The following IL1RAPL2 variants were observed in gnomAD, a reference collection of about 807,000 sequenced individuals.
IL1RAPL2 encodes X-linked interleukin-1 receptor accessory protein-like 2.
In IL1RAPL2, 3 loss-of-function variants were observed where a neutral mutation model predicts 44.1. The observed-to-expected ratio is 0.07, with a 90% CI of 0.03 to 0.18. The LOEUF (loss-of-function observed/expected upper bound fraction) is 0.18. Ranked by LOEUF, IL1RAPL2 falls within the 10% of genes least tolerant of loss-of-function variation. The pLI, the probability that IL1RAPL2 is intolerant of heterozygous loss-of-function variation, is 1.00. For missense variants in IL1RAPL2, 391 were observed against 496.4 expected, an observed-to-expected ratio of 0.79 and a Z score of 2.02; for synonymous variants, 181 against 178.8, an observed-to-expected ratio of 1.01 and a Z score of -0.10.
At chrX:105,411,517 A>G (rs1247809295) in intron 5 of IL1RAPL2, among the ~76,000 whole-genome samples, 1 of 111,668 alleles carries the variant, frequency 9.0e-6, no homozygotes, top group East Asian at 2.8e-4. Context: ...CGGAATAGCC[A>G]TACTCATATC....
chrX:104,734,556 A>C, intron 2 of IL1RAPL2, among the ~76,000 whole-genome samples: 1 of 112,207 alleles, frequency 8.9e-6, no homozygotes, highest in Middle Eastern at 4.6e-3. Flanking sequence ...AAGGCTGCAT[A>C]TTGTATCATT....
intron 6 of IL1RAPL2, among the ~76,000 whole-genome samples, chrX:105,500,892 T>G (rs772326676): frequency 3.3e-4 from 37 of 111,882 alleles, no homozygotes; most frequent in Non-Finnish European, 6.6e-4. Context: ...CACTTCCCAA[T>G]GATACCTTTC....
intron 6 of IL1RAPL2, among the ~76,000 whole-genome samples, chrX:105,529,088 C>G (rs2036614424): frequency 1.8e-5 from 2 of 111,186 alleles, no homozygotes; most frequent in Non-Finnish European, 3.8e-5. Flanking sequence ...AATAACCAGA[C>G]TAGTTATTGT....
chrX:105,004,274 A>T (rs1048094127), intron 2 of IL1RAPL2, among the ~76,000 whole-genome samples: 3 of 110,652 alleles, frequency 2.7e-5, no homozygotes, highest in Non-Finnish European at 5.7e-5. Flanking sequence ...CAGTCTGAAG[A>T]GTGGGTTAAA....
chrX:105,387,432 A>C (rs1216715351), intron 5 of IL1RAPL2, among the ~76,000 whole-genome samples: 2 of 109,606 alleles, frequency 1.8e-5, no homozygotes, highest in African/African-American at 6.7e-5. Context: ...ACGGGGTTTC[A>C]CCATGTTGGT....
chrX:105,690,264 C>T (rs1417594441), intron 6 of IL1RAPL2, among the ~76,000 whole-genome samples: 2 of 111,225 alleles, frequency 1.8e-5, no homozygotes, highest in African/African-American at 6.5e-5. Context: ...AAAATGTTAT[C>T]AACTTAACGT....
intron 2 of IL1RAPL2, among the ~76,000 whole-genome samples, chrX:104,791,325 G>C (rs1377426818): frequency 3.7e-5 from 4 of 107,862 alleles, no homozygotes; most frequent in Non-Finnish European, 7.7e-5. Context: ...AGAGCCAGAG[G>C]AGTCCCAAGC....
chrX:105,294,065 G>A (rs150634954), intron 5 of IL1RAPL2, among the ~76,000 whole-genome samples: 1 of 112,362 alleles, frequency 8.9e-6, no homozygotes, highest in African/African-American at 3.2e-5. Flanking sequence ...AATGAGGAAC[G>A]TTATTTCTGT....
At chrX:105,316,487 A>G (rs2034842721) in intron 5 of IL1RAPL2, among the ~76,000 whole-genome samples, 1 of 111,543 alleles carries the variant, frequency 9.0e-6, no homozygotes, top group Non-Finnish European at 1.9e-5. Context: ...TATTGATGAA[A>G]CCAGGCAGAG....
intron 2 of IL1RAPL2, among the ~76,000 whole-genome samples, chrX:105,046,947 C>T (rs1397617195): frequency 1.8e-5 from 2 of 108,172 alleles, no homozygotes; most frequent in African/African-American, 6.7e-5. Context: ...GAACCTTTCA[C>T]ATGATTTTAA....
At chrX:104,741,590 C>T (rs1026015012) in intron 2 of IL1RAPL2, among the ~76,000 whole-genome samples, 6 of 110,685 alleles carry the variant, frequency 5.4e-5, no homozygotes, top group South Asian at 3.8e-4. Context: ...TTTGTAATAA[C>T]ATCTATAAAT....
intron 2 of IL1RAPL2, among the ~76,000 whole-genome samples, chrX:105,172,863 G>A (rs2033436433): frequency 9.0e-6 from 1 of 111,357 alleles, no homozygotes; most frequent in African/African-American, 3.3e-5. Context: ...GGAGTTGGAG[G>A]GCAGGGACTT....
intron 2 of IL1RAPL2, among the ~76,000 whole-genome samples, chrX:105,166,714 A>C (rs968491684): frequency 8.9e-6 from 1 of 112,272 alleles, no homozygotes; most frequent in Non-Finnish European, 1.9e-5. Flanking sequence ...GGACACTTGG[A>C]GAGATGATTT....
At chrX:104,747,354 C>T (rs1288931285) in intron 2 of IL1RAPL2, among the ~76,000 whole-genome samples, 1 of 111,168 alleles carries the variant, frequency 9.0e-6, no homozygotes, top group East Asian at 2.9e-4. Context: ...CCCTTGCTTG[C>T]TTTCCTCTTT....
chrX:104,920,657 C>G (rs1468516187), intron 2 of IL1RAPL2, among the ~76,000 whole-genome samples: 1 of 106,740 alleles, frequency 9.4e-6, no homozygotes, highest in Non-Finnish European at 1.9e-5. Flanking sequence ...GCTTGTACAC[C>G]CTGCGGAACC....
At chrX:105,638,271 T>C (rs1193166427) in intron 6 of IL1RAPL2, among the ~76,000 whole-genome samples, 1 of 111,337 alleles carries the variant, frequency 9.0e-6, no homozygotes. Flanking sequence ...TTCTTTTTTT[T>C]TCTTTTTTCT....
At chrX:105,454,635 G>A (rs1334805133) in intron 5 of IL1RAPL2, among the ~76,000 whole-genome samples, 4 of 111,582 alleles carry the variant, frequency 3.6e-5, no homozygotes, top group Non-Finnish European at 7.5e-5. Flanking sequence ...TGGTGACCTT[G>A]TACCCTTAAC....
chrX:105,423,815 A>G (rs1332592886), intron 5 of IL1RAPL2, among the ~76,000 whole-genome samples: 1 of 108,068 alleles, frequency 9.3e-6, no homozygotes. Flanking sequence ...GGAGTTACCT[A>G]CCTTCCATCA....
At chrX:105,033,877 T>G (rs1303265127) in intron 2 of IL1RAPL2, among the ~76,000 whole-genome samples, 2 of 112,011 alleles carry the variant, frequency 1.8e-5, no homozygotes, top group Non-Finnish European at 3.8e-5. Flanking sequence ...GACATAGATT[T>G]GGTCTTTTCA....
Sources: allele counts gnomAD v4.1 joint callset (sites outside exome capture counted in the v4.1 genomes callset), GRCh38; gene constraint gnomAD v4.1.1; transcripts MANE v1.5; gene names NCBI Gene and HGNC (gene_info 2026-07-23, HGNC 2026-07-21).